The following MANBA variants were observed in gnomAD, a reference collection of about 807,000 sequenced individuals.
MANBA encodes beta-mannosidase.
In MANBA, 83 loss-of-function variants were observed where a neutral mutation model predicts 111.1. That is an observed-to-expected ratio of 0.75 (90% CI 0.63 to 0.90). MANBA has a LOEUF of 0.90. Ranked by LOEUF, MANBA falls within the 40% of genes least tolerant of loss-of-function variation. The probability of loss-of-function intolerance (pLI) is 0.00; values close to 1 mark genes in which losing one functional copy is unlikely to be tolerated. For synonymous variants in MANBA, 370 were observed against 378.7 expected (o/e 0.98, Z 0.27); for missense variants, 1,036 against 1,069.0 (o/e 0.97, Z 0.43).
At chr4:102,635,395 T>G (rs1729579120) in intron 15 of MANBA, among the ~76,000 whole-genome samples, 1 of 152,240 alleles carries the variant, frequency 6.6e-6, no homozygotes, top group Admixed American at 6.5e-5. Context: ...ACCTAAGACT[T>G]TGAGTTTCTA....
At position 102,714,425 on chromosome 4, in the gene MANBA, T is replaced by C. The variant is rs758895499; in HGVS notation, c.673+13A>G. On this transcript the variant is annotated intron_variant, in intron 5 of 16. Transcript: ENST00000647097. The stretch of plus-strand genomic sequence containing the variant: ...GACTCAAAAAGAAAAAAAAATCACA[T>C]CTTTCAGCTTACCATATATTGGGGA... The C allele has an allele frequency of 1.9e-6, 3 of 1,601,172 alleles. No individual in the cohort carries two copies. The highest frequency in any genetic ancestry group is 2.6e-6 in the Non-Finnish European group (3 of 1,168,566).
intron 9 of MANBA, among the ~76,000 whole-genome samples, chr4:102,669,896 C>T (rs557099926): frequency 2.2e-3 from 330 of 152,166 alleles, no homozygotes; most frequent in African/African-American, 7.7e-3. Flanking sequence ...AGGAGAATGG[C>T]GTGAACCCAG....
chr4:102,662,143 G>A (rs894436914), intron 11 of MANBA, among the ~76,000 whole-genome samples: 12 of 152,172 alleles, frequency 7.9e-5, no homozygotes, highest in African/African-American at 2.7e-4. Context: ...AGAATGTAGT[G>A]TTAAAATTAA....
intron 1 of MANBA, chr4:102,728,340 T>TGTTCA: frequency 1.9e-6 from 1 of 533,714 alleles, no homozygotes; most frequent in Non-Finnish European, 3.8e-6. Flanking sequence ...ATGAGGATTC[T>TGTTCA]GTTCACTCTC....
At chr4:102,695,048 T>C (rs369858486) in intron 5 of MANBA, among the ~76,000 whole-genome samples, 59 of 152,228 alleles carry the variant, frequency 3.9e-4, no homozygotes, top group African/African-American at 1.3e-3. Context: ...AAGAGCACAA[T>C]GTGTCTGACC....
chr4:102,702,228 T>C (rs1578917857), intron 5 of MANBA, among the ~76,000 whole-genome samples: 1 of 151,712 alleles, frequency 6.6e-6, no homozygotes, highest in Admixed American at 6.5e-5. Flanking sequence ...TTTAAGCACT[T>C]CTCTGTATTG....
Position 102,642,275 on chromosome 4 carries a change from A to G in MANBA, c.1870-2418T>C, listed in dbSNP as rs965533927. Among the ~76,000 whole-genome samples, 10 of 152,216 alleles carry G rather than the reference A, an allele frequency of 6.6e-5. 1 individual carries two copies. The highest frequency in any genetic ancestry group is 1.3e-4 in the Non-Finnish European group (9 of 68,030). ...TGCTTAGTCATTTTCTAGGTTATCC[A>G]GTCCACTGTTAGCAGACAAATGAAT... On this transcript the variant is annotated intron_variant, in intron 13 of 16. Coordinates refer to ENST00000647097, the MANE Select transcript of MANBA (RefSeq NM_005908.4).
At chr4:102,692,301 G>A (rs1296426413) in intron 5 of MANBA, among the ~76,000 whole-genome samples, 7 of 152,126 alleles carry the variant, frequency 4.6e-5, no homozygotes, top group Non-Finnish European at 7.4e-5. Flanking sequence ...AAACAAGACC[G>A]AAGAGGAGAA....
intron 1 of MANBA, chr4:102,751,297 C>G (rs986662420): frequency 9.2e-6 from 3 of 326,622 alleles, no homozygotes; most frequent in African/African-American, 4.3e-5. Context: ...TGCAGCTTCT[C>G]GCTTACCTGT....
chr4:102,760,635 G>A, intron 1 of MANBA, 83 bp downstream of exon 1: 1 of 1,388,878 alleles, frequency 7.2e-7, no homozygotes, highest in African/African-American at 1.4e-5. Flanking sequence ...CCAGAGCTGG[G>A]GGCTGCCAGG....
chr4:102,646,637 G>T (rs1258919679), intron 13 of MANBA, among the ~76,000 whole-genome samples: 1 of 152,158 alleles, frequency 6.6e-6, no homozygotes, highest in African/African-American at 2.4e-5. Context: ...CGTGCTGGTA[G>T]AGTAAGACAC....
intron 15 of MANBA, among the ~76,000 whole-genome samples, chr4:102,635,462 T>C (rs1333250308): frequency 2.6e-5 from 4 of 152,130 alleles, no homozygotes; most frequent in Non-Finnish European, 5.9e-5. Context: ...CACATGCGCA[T>C]TCTGAATAGT....
At chr4:102,646,217 C>G (rs1000844206) in intron 13 of MANBA, among the ~76,000 whole-genome samples, 1 of 152,070 alleles carries the variant, frequency 6.6e-6, no homozygotes, top group Admixed American at 6.6e-5. Flanking sequence ...TACATGATGC[C>G]TATACAAACT....
rs1371965308 is a variant in MANBA, at chr4:102,635,062, C to T, written c.2158-17G>A. ...GACTCTCACCTGGGGAGAAATAAAA[C>T]AGAATAAAAACAGGCATTCTTGGTT... On this transcript the variant is annotated splice_polypyrimidine_tract_variant and intron_variant, in intron 15 of 16. Transcript: ENST00000647097. The T allele has an allele frequency of 6.2e-7, 1 of 1,613,686 alleles. No homozygotes were observed. Among genetic ancestry groups the T allele is most frequent in the Non-Finnish European group, 8.5e-7 (1 of 1,179,626 alleles).
intron 5 of MANBA, among the ~76,000 whole-genome samples, chr4:102,714,214 CTG>C (rs1203693844): frequency 4.6e-5 from 7 of 152,164 alleles, no homozygotes; most frequent in African/African-American, 1.7e-4. Flanking sequence ...TTTCCTTTTT[CTG>C]TAAAATATGC....
chr4:102,632,317 A>G, intron 16 of MANBA, 36 bp from the exon 17 acceptor site: 1 of 1,463,544 alleles, frequency 6.8e-7, no homozygotes, highest in South Asian at 1.1e-5. Flanking sequence ...GAAGTGAAGG[A>G]TGAGGGAAGA....
intron 7 of MANBA, 140 bp from the exon 8 acceptor site, chr4:102,674,210 T>C (rs1731622201): frequency 6.1e-6 from 4 of 651,396 alleles, no homozygotes; most frequent in Non-Finnish European, 8.2e-6. Flanking sequence ...GCACATAATG[T>C]GGAAATGCAC....
rs1474713683 is a variant in MANBA at position 102,714,552 on chromosome 4, A to G, written c.559T>C (p.Ser187Pro). Residue 187 changes from serine to proline, a missense_variant, in exon 5 of 17, where the codon TCC becomes CCC. Physicochemically the swap from Ser to Pro is moderately conservative, Grantham distance 74 (BLOSUM62 -1). Transcript: ENST00000647097. ...GAAGGCCCCCAGTCCCAACTAAAGG[A>G]ACATTGCTCCTGCAATTTCAAGGAG... Reference protein sequence around the residue: ...HVNFVRKEQCSFSWDWGPSFP... With the variant: ...HVNFVRKEQCPFSWDWGPSFP... 1 of 1,608,678 alleles carries G rather than the reference A, an allele frequency of 6.2e-7. No homozygotes were observed.
chr4:102,653,604 C>T (rs148918081), intron 12 of MANBA, among the ~76,000 whole-genome samples: 48 of 152,226 alleles, frequency 3.2e-4, no homozygotes, highest in Middle Eastern at 3.4e-3. Flanking sequence ...AAATTCTCAA[C>T]TAAGCAGTGT....
Sources: allele counts gnomAD v4.1 joint callset (sites outside exome capture counted in the v4.1 genomes callset), GRCh38; gene constraint gnomAD v4.1.1; transcripts MANE v1.5; gene names NCBI Gene and HGNC (gene_info 2026-07-23, HGNC 2026-07-21).